Variants in ACTA2 observed in about 807,000 individuals in gnomAD.
ACTA2 encodes the protein actin alpha 2, smooth muscle.
A neutral mutation model predicts 39.5 loss-of-function variants in ACTA2; 12 were observed. The observed-to-expected ratio is 0.30, with a 90% CI of 0.19 to 0.49. The LOEUF is 0.49. ACTA2 is among the 20% of genes least tolerant of loss of function. The pLI is 0.99. For synonymous variants in ACTA2, 158 were observed against 180.6 expected (o/e 0.88, Z 1.00); for missense variants, 236 against 498.8 (o/e 0.47, Z 5.02).
chr10:88,946,351 A>G (rs1845948719), intron 3 of ACTA2, among the ~76,000 whole-genome samples: 1 of 149,792 alleles, frequency 6.7e-6, no homozygotes, highest in Non-Finnish European at 1.5e-5. Context: ...CCTGGCCTCA[A>G]GTGATCCAGT....
In ACTA2 at chr10:88,990,538, G is replaced by C. The variant is rs752145197; in HGVS notation, c.-24+401C>G. The C allele has an allele frequency of 8.1e-6, 5 of 618,832 alleles. No individual in the cohort carries two copies. Among genetic ancestry groups the C allele is most frequent in the South Asian group, 7.6e-5 (5 of 65,922 alleles). 38.3% of individuals were successfully genotyped at this position (618,832 alleles called of 1,614,324 possible). On this transcript the variant is annotated intron_variant, in intron 1 of 4. Transcript: ENST00000415557. This position sits in a 1 kb window ranked among gnomAD's most constrained non-coding sequence, Gnocchi z 4.9. ...CCCTGACTTCTCCCCCTCCCTACCCGCGCGCAGGCCAAGTTGCTGAATCAA... is the reference window on the plus strand; with the variant it reads ...CCCTGACTTCTCCCCCTCCCTACCCCCGCGCAGGCCAAGTTGCTGAATCAA...
At chr10:88,987,584 T>A (rs1163192708) in intron 1 of ACTA2, among the ~76,000 whole-genome samples, 3 of 152,210 alleles carry the variant, frequency 2.0e-5, no homozygotes, top group African/African-American at 7.2e-5. Flanking sequence ...TATTTCTACT[T>A]CAAATCCAAT....
At chr10:88,939,372 C>T in intron 7 of ACTA2, 135 bp downstream of exon 7, 1 of 1,169,176 alleles carries the variant, frequency 8.6e-7, no homozygotes, top group Non-Finnish European at 1.3e-6. Context: ...GAAAATGTGG[C>T]ACTTTCCCTT....
At position 88,947,043 on chromosome 10, in the gene ACTA2, C is replaced by T. The variant is rs956843915; in HGVS notation, c.258+215G>A. The stretch of plus-strand genomic sequence containing the variant: ...TGCTGAGGATGATGGTTTCCAGCTT[C>T]ATCCATGTCCCTACAAAGGACATGA... On this transcript the variant is annotated intron_variant, in intron 3 of 8. Coordinates refer to ENST00000224784, the MANE Select transcript of ACTA2 (RefSeq NM_001613.4). 21 of 549,678 alleles carry T rather than the reference C, an allele frequency of 3.8e-5. No individual in the cohort carries two copies. The Admixed American group carries it at 7.1e-4, about 19-fold the overall frequency. 34.1% of individuals were successfully genotyped at this position (549,678 alleles called of 1,614,324 possible).
rs139085798 is a variant in ACTA2 at position 88,986,567 on chromosome 10, G to T, written c.-24+4372C>A. ...CATATCTTGGTGGCCAAGTTTTCCA[G>T]CCCTGGTCAGTTAGGCTTTAGGACA... On this transcript the variant is annotated intron_variant, in intron 1 of 4. Coordinates refer to the ACTA2 transcript ENST00000415557. Among the ~76,000 whole-genome samples, 18 of 152,264 alleles carry T rather than the reference G, an allele frequency of 1.2e-4. No homozygotes were observed. In the East Asian group the frequency reaches 3.3e-3, roughly 28 times the overall value.
intron 4 of ACTA2, among the ~76,000 whole-genome samples, chr10:88,943,434 G>A (rs1022577062): frequency 4.6e-5 from 7 of 152,166 alleles, no homozygotes; most frequent in African/African-American, 1.4e-4. Context: ...TCACATAACT[G>A]ATAAGTGGCA....
chr10:88,953,263 A>G (rs1349326968), upstream of ACTA2, among the ~76,000 whole-genome samples: 1 of 152,192 alleles, frequency 6.6e-6, no homozygotes. Context: ...CTATAAATAC[A>G]TAGAGGGAGT....
intron 1 of ACTA2, among the ~76,000 whole-genome samples, chr10:88,962,912 C>CAT (rs60878394): frequency 5.9e-5 from 6 of 101,618 alleles, no homozygotes; most frequent in Non-Finnish European, 1.0e-4. Flanking sequence ...GGGAATGCCC[C>CAT]ATATATATAT....
intron 1 of ACTA2, among the ~76,000 whole-genome samples, chr10:88,979,825 G>A (rs1846665317): frequency 6.6e-6 from 1 of 152,178 alleles, no homozygotes. Context: ...CAACAGCAAA[G>A]GTCATTTCTA....
chr10:88,978,430 A>G (rs1846627411), intron 1 of ACTA2, among the ~76,000 whole-genome samples: 1 of 152,224 alleles, frequency 6.6e-6, no homozygotes, highest in Admixed American at 6.5e-5. Flanking sequence ...AATAAAATTT[A>G]AGATAAGCTC....
At chr10:88,985,262 T>C (rs1333560407) in intron 1 of ACTA2, among the ~76,000 whole-genome samples, 1 of 152,210 alleles carries the variant, frequency 6.6e-6, no homozygotes, top group Non-Finnish European at 1.5e-5. Context: ...CTAGGATTTA[T>C]ATCTAGGGAC....
intron 5 of ACTA2, 28 bp downstream of exon 5, chr10:88,941,757 C>A (rs770619416): frequency 1.8e-5 from 28 of 1,595,118 alleles, no homozygotes; most frequent in Non-Finnish European, 2.3e-5. Flanking sequence ...GCGCTCCAAC[C>A]AGCTTGCTGT....
intron 1 of ACTA2, among the ~76,000 whole-genome samples, chr10:88,963,965 G>T (rs1041619451): frequency 1.3e-5 from 2 of 151,760 alleles, no homozygotes; most frequent in Admixed American, 1.3e-4. Context: ...GTCTAATTTT[G>T]TATTCCTAGT....
intron 1 of ACTA2, among the ~76,000 whole-genome samples, chr10:88,967,211 C>T (rs184136932): frequency 1.3e-5 from 2 of 152,236 alleles, no homozygotes; most frequent in African/African-American, 4.8e-5. Flanking sequence ...CTGAAGAGCT[C>T]CCAGTTCTTT....
chr10:88,962,835 C>A (rs986673567), intron 1 of ACTA2, among the ~76,000 whole-genome samples: 4 of 149,512 alleles, frequency 2.7e-5, no homozygotes, highest in Non-Finnish European at 4.5e-5. Flanking sequence ...GCCTCACAAT[C>A]ATGGTGGAAG....
upstream of ACTA2, among the ~76,000 whole-genome samples, chr10:88,957,496 AT>A (rs1162399008): frequency 2.6e-5 from 4 of 152,050 alleles, no homozygotes; most frequent in African/African-American, 9.7e-5. Flanking sequence ...TTGCACTTAC[AT>A]TTTTTCCTGC....
chr10:88,988,944 C>A (rs1156878969), intron 1 of ACTA2, among the ~76,000 whole-genome samples: 1 of 152,190 alleles, frequency 6.6e-6, no homozygotes, highest in African/African-American at 2.4e-5. Context: ...ATATTCCTAT[C>A]TCCTTGAACT....
intron 1 of ACTA2, among the ~76,000 whole-genome samples, chr10:88,966,463 A>G (rs1201223967): frequency 6.6e-6 from 1 of 152,166 alleles, no homozygotes; most frequent in East Asian, 1.9e-4. Context: ...CTATTATTTT[A>G]ATATCCTGTC....
At chr10:88,960,247 A>C (rs1846204602) in intron 1 of ACTA2, among the ~76,000 whole-genome samples, 2 of 152,154 alleles carry the variant, frequency 1.3e-5, no homozygotes, top group Admixed American at 1.3e-4. Context: ...TCTTATTCAT[A>C]ACAAAATTTG....
Sources: gnomAD v4.1 joint callset for allele counts (sites outside exome capture counted in the v4.1 genomes callset) on GRCh38, gnomAD v4.1.1 for gene constraint, Gnocchi (gnomAD v3.1) non-coding constraint, MANE v1.5 for transcripts, NCBI Gene and HGNC (gene_info 2026-07-23, HGNC 2026-07-21) for gene names.